PAX8: variants seen among roughly 807,000 people sequenced by gnomAD.
PAX8 encodes the protein paired box protein Pax-8.
In PAX8, 15 loss-of-function variants were observed where a neutral mutation model predicts 52.4. The observed-to-expected ratio is 0.29, with a 90% CI of 0.19 to 0.44. The LOEUF (loss-of-function observed/expected upper bound fraction) is 0.44, where lower values mean the gene tolerates loss of function less well. PAX8 is among the 20% of genes least tolerant of loss of function. The pLI is 1.00. For missense variants in PAX8, 554 were observed against 602.5 expected (o/e 0.92, Z 0.84); for synonymous variants, 284 against 249.7 (o/e 1.14, Z -1.29).
chr2:113,217,662 T>C lies in PAX8; in HGVS notation c.*871A>G. Reference sequence around the variant, plus strand: ...TGAGCTGCAGGAAGCACATTTGGCTTGGCAGGAGCTGTCAGGAAGGGGAAG... The same window carrying C: ...TGAGCTGCAGGAAGCACATTTGGCTCGGCAGGAGCTGTCAGGAAGGGGAAG... On this transcript the variant is annotated 3_prime_UTR_variant, in exon 12 of 12. Transcript: ENST00000429538. 1 of 232,020 alleles carries C rather than the reference T, an allele frequency of 4.3e-6. No individual in the cohort carries two copies. Among genetic ancestry groups the C allele is most frequent in the Non-Finnish European group, 8.5e-6 (1 of 117,292 alleles). The allele number at this position is 232,020 out of a possible 1,614,324, so 14.4% of individuals were successfully genotyped here.
At chr2:113,278,495 G>A in intron 1 of PAX8, 26 bp from the exon 2 acceptor site, 4 of 1,531,078 alleles carry the variant, frequency 2.6e-6, no homozygotes, top group Non-Finnish European at 3.6e-6. Flanking sequence ...AGAAGGGCAT[G>A]AGATGCGATG....
intron 8 of PAX8, 97 bp from the exon 9 acceptor site, chr2:113,235,679 G>T: frequency 1.0e-6 from 1 of 1,000,310 alleles, no homozygotes; most frequent in Non-Finnish European, 1.5e-6. Context: ...GGTGCGGGCG[G>T]GGCGCGGGGC....
rs532353240 is a variant in PAX8, at chr2:113,248,964, C to CA, written c.26-2046dup. Among the ~76,000 whole-genome samples, 156 of 149,694 alleles carry CA rather than the reference C, an allele frequency of 1.0e-3. 2 individuals are homozygous for CA. The highest frequency in any genetic ancestry group is 7.2e-4 in the African/African-American group (29 of 40,190). Reference sequence around the variant, plus strand: ...CTGGGCAACAAGAGCGAAATTCCGTCAAAAAAAAGAAAAAAAAGGGAGGTG... The same window carrying CA: ...CTGGGCAACAAGAGCGAAATTCCGTCAAAAAAAAAGAAAAAAAAGGGAGGTG... On this transcript the variant is annotated intron_variant, in intron 2 of 11. Transcript: ENST00000429538.
chr2:113,251,034 T>C (rs1310134425), intron 2 of PAX8: 1 of 152,130 alleles, frequency 6.6e-6, no homozygotes. Flanking sequence ...CTTCAAGAAA[T>C]TGAAAGACAT....
chr2:113,227,883 C>T (rs1689679803), intron 9 of PAX8, among the ~76,000 whole-genome samples: 1 of 152,210 alleles, frequency 6.6e-6, no homozygotes, highest in Non-Finnish European at 1.5e-5. Context: ...AACCGATTGG[C>T]TAACCCCAAC....
intron 7 of PAX8, chr2:113,237,753 C>G (rs1690486721): frequency 6.6e-6 from 1 of 152,188 alleles, no homozygotes; most frequent in Non-Finnish European, 1.5e-5. Flanking sequence ...AAGAACACAC[C>G]CATTCCCCAC....
intron 2 of PAX8, chr2:113,268,146 T>G (rs1033324672): frequency 1.3e-5 from 2 of 152,368 alleles, no homozygotes; most frequent in African/African-American, 4.8e-5. Context: ...TGCATGCATG[T>G]GAGTGTGCAT....
chr2:113,269,636 A>C (rs995786926), intron 2 of PAX8: 1 of 152,252 alleles, frequency 6.6e-6, no homozygotes, highest in Non-Finnish European at 1.5e-5. Context: ...AGGGTTTGCT[A>C]TCAGGCCAAA....
At chr2:113,278,249 C>A in intron 2 of PAX8, 121 bp downstream of exon 2, 1 of 787,308 alleles carries the variant, frequency 1.3e-6, no homozygotes, top group African/African-American at 1.7e-5. Context: ...CCAGCTGGGT[C>A]CCCACGCGGG....
At chr2:113,234,070 C>T (rs1334000464) in intron 9 of PAX8, among the ~76,000 whole-genome samples, 1 of 152,212 alleles carries the variant, frequency 6.6e-6, no homozygotes, top group African/African-American at 2.4e-5. Context: ...TACCCACACT[C>T]CTTGGAGACA....
chr2:113,250,960 AG>A (rs1194889242), intron 2 of PAX8: 2 of 152,078 alleles, frequency 1.3e-5, no homozygotes, highest in African/African-American at 4.8e-5. Flanking sequence ...AAGAGTATCT[AG>A]GAGGTAACTA....
intron 7 of PAX8, chr2:113,241,190 T>C (rs1690806774): frequency 5.0e-6 from 2 of 396,828 alleles, no homozygotes; most frequent in Non-Finnish European, 9.6e-6. Context: ...GGCTAGGAAA[T>C]AGTGGCTGAG....
intron 2 of PAX8, among the ~76,000 whole-genome samples, chr2:113,259,951 G>A (rs540743765): frequency 2.6e-5 from 4 of 152,198 alleles, no homozygotes; most frequent in South Asian, 2.1e-4. Flanking sequence ...TGCCGAACAC[G>A]CGTTTAGATG....
At chr2:113,220,768 G>A (rs548878989) in intron 10 of PAX8, among the ~76,000 whole-genome samples, 1 of 152,280 alleles carries the variant, frequency 6.6e-6, no homozygotes, top group Non-Finnish European at 1.5e-5. Flanking sequence ...GGAGAGGAGG[G>A]AGAGCCCCAG....
At chr2:113,241,022 GCTAGTGGTATTTTT>G in intron 7 of PAX8, 1 of 213,736 alleles carries the variant, frequency 4.7e-6, no homozygotes, top group Non-Finnish European at 9.6e-6. Flanking sequence ...AGTCATGAAG[GCTAGTGGTATTTTT>G]CCATGCAGAG....
At chr2:113,270,208 T>C (rs906248294) in intron 2 of PAX8, 1 of 152,224 alleles carries the variant, frequency 6.6e-6, no homozygotes, top group Non-Finnish European at 1.5e-5. Context: ...CAGGAAATAC[T>C]ACGACAATGG....
chr2:113,278,049 T>C (rs1693948934), intron 2 of PAX8, among the ~76,000 whole-genome samples: 1 of 152,130 alleles, frequency 6.6e-6, no homozygotes, highest in African/African-American at 2.4e-5. Context: ...GCACGAAGAA[T>C]GTCCACACTA....
intron 2 of PAX8, among the ~76,000 whole-genome samples, chr2:113,252,037 C>T (rs1205154582): frequency 6.6e-6 from 1 of 152,346 alleles, no homozygotes; most frequent in East Asian, 1.9e-4. Context: ...ACCCCCAAAT[C>T]CCATGCTTCA....
In PAX8 at chr2:113,220,182, T is replaced by C. The variant is rs1057134481; in HGVS notation, c.1190-4A>G. 9 of 1,611,664 alleles carry C rather than the reference T, an allele frequency of 5.6e-6. No individual in the cohort carries two copies. Among genetic ancestry groups the C allele is most frequent in the Non-Finnish European group, 7.6e-6 (9 of 1,178,138 alleles). ...GCATTGCCAGAGTATTCACTTCCTG[T>C]TGGAGGCACACAGGGGAGAGGCCTG... On this transcript the variant is annotated splice_region_variant and splice_polypyrimidine_tract_variant and intron_variant, in intron 10 of 11. Transcript: ENST00000429538.
Sources: allele counts gnomAD v4.1 joint callset (sites outside exome capture counted in the v4.1 genomes callset), GRCh38; gene constraint gnomAD v4.1.1; transcripts MANE v1.5; gene names NCBI Gene and HGNC (gene_info 2026-07-23, HGNC 2026-07-21).